ST6GAL1: variants seen among roughly 807,000 people sequenced by gnomAD.
ST6GAL1 encodes beta-galactoside alpha-2,6-sialyltransferase 1.
In ST6GAL1, 20 loss-of-function variants were observed where a neutral mutation model predicts 38.0. That is an observed-to-expected ratio of 0.53 (90% CI 0.37 to 0.77). ST6GAL1 has a LOEUF of 0.77. ST6GAL1 is among the 30% of genes least tolerant of loss of function. ST6GAL1 has a pLI of 0.00. For synonymous variants in ST6GAL1, 196 were observed against 188.2 expected (o/e 1.04, Z -0.34); for missense variants, 432 against 496.4 (o/e 0.87, Z 1.23).
At chr3:186,987,764 A>C (rs1716003273) in intron 2 of ST6GAL1, among the ~76,000 whole-genome samples, 1 of 152,380 alleles carries the variant, frequency 6.6e-6, no homozygotes, top group East Asian at 1.9e-4. Flanking sequence ...TGGAAAATGC[A>C]TAGCACATGG....
At chr3:187,023,684 G>C (rs1007400716) in intron 2 of ST6GAL1, among the ~76,000 whole-genome samples, 1 of 152,024 alleles carries the variant, frequency 6.6e-6, no homozygotes, top group African/African-American at 2.4e-5. Context: ...GAATTGAACA[G>C]TGAGAACACA....
At chr3:186,993,426 G>C (rs1716245000) in intron 2 of ST6GAL1, among the ~76,000 whole-genome samples, 2 of 152,192 alleles carry the variant, frequency 1.3e-5, no homozygotes, top group Admixed American at 1.3e-4. Context: ...GTGTTAGCGA[G>C]ATGGAAGACA....
At chr3:187,012,220 C>T (rs571449106) in intron 2 of ST6GAL1, among the ~76,000 whole-genome samples, 9 of 152,118 alleles carry the variant, frequency 5.9e-5, no homozygotes, top group Non-Finnish European at 8.8e-5. Context: ...AAGAGAGAAG[C>T]GGGAGTGCTT....
At chr3:186,986,663 G>C (rs1289002090) in intron 2 of ST6GAL1, 3 of 152,014 alleles carry the variant, frequency 2.0e-5, no homozygotes, top group African/African-American at 4.8e-5. Flanking sequence ...AAATCTTCAG[G>C]GTGACTAGAG....
At chr3:186,965,777 T>C (rs1452985936) in intron 2 of ST6GAL1, among the ~76,000 whole-genome samples, 1 of 152,190 alleles carries the variant, frequency 6.6e-6, no homozygotes, top group Non-Finnish European at 1.5e-5. Context: ...CCCTGCCTCT[T>C]CTCTTCCTCG....
intron 1 of ST6GAL1, among the ~76,000 whole-genome samples, chr3:186,934,643 G>A (rs1474313678): frequency 6.6e-5 from 10 of 152,116 alleles, no homozygotes; most frequent in African/African-American, 2.2e-4. Flanking sequence ...GGAGTAAGGC[G>A]TATGAATCTC....
At chr3:187,054,848 G>A (rs886114456) in intron 5 of ST6GAL1, among the ~76,000 whole-genome samples, 2 of 152,084 alleles carry the variant, frequency 1.3e-5, no homozygotes, top group African/African-American at 4.8e-5. Context: ...TTTTTGTATT[G>A]ATTGGAATAG....
At chr3:187,058,618 C>T (rs528899113) in intron 5 of ST6GAL1, among the ~76,000 whole-genome samples, 20 of 136,714 alleles carry the variant, frequency 1.5e-4, no homozygotes, top group Non-Finnish European at 1.4e-4. Flanking sequence ...TATATTTTGG[C>T]TTTTGGTATT....
At chr3:187,011,075 T>C (rs967006402) in intron 2 of ST6GAL1, among the ~76,000 whole-genome samples, 1 of 152,142 alleles carries the variant, frequency 6.6e-6, no homozygotes, top group African/African-American at 2.4e-5. Flanking sequence ...AGTACAACAG[T>C]GTGACCTCTG....
chr3:186,981,370 T>G (rs1715692924), intron 2 of ST6GAL1, among the ~76,000 whole-genome samples: 1 of 152,232 alleles, frequency 6.6e-6, no homozygotes. Flanking sequence ...TTGGTTTGCT[T>G]ATGTAGAAGC....
intron 4 of ST6GAL1, among the ~76,000 whole-genome samples, chr3:187,050,821 G>A (rs532405308): frequency 6.6e-6 from 1 of 152,304 alleles, no homozygotes; most frequent in South Asian, 2.1e-4. Flanking sequence ...GCACTTGTGG[G>A]ATACACTGAA....
chr3:186,959,449 A>G (rs778480734), intron 1 of ST6GAL1, among the ~76,000 whole-genome samples: 1 of 152,224 alleles, frequency 6.6e-6, no homozygotes, highest in Non-Finnish European at 1.5e-5. Flanking sequence ...TCCTCGCTTC[A>G]TAGGCTTGTG....
intron 5 of ST6GAL1, among the ~76,000 whole-genome samples, chr3:187,052,201 C>T (rs60928100): frequency 0.089 from 13,584 of 152,138 alleles, 2,047 homozygotes; most frequent in African/African-American, 0.31. Flanking sequence ...TTCCCTATAT[C>T]TGTCTCTTCA....
intron 2 of ST6GAL1, among the ~76,000 whole-genome samples, chr3:187,030,619 A>C (rs141249831): frequency 1.2e-4 from 19 of 152,178 alleles, no homozygotes; most frequent in African/African-American, 4.6e-4. Flanking sequence ...TTTTTAGGAA[A>C]GATGAGGTTT....
At chr3:186,956,051 C>T (rs6444186) in intron 1 of ST6GAL1, among the ~76,000 whole-genome samples, 29,495 of 151,810 alleles carry the variant, frequency 0.19, 6,253 homozygotes, top group African/African-American at 0.53. Context: ...AGGACTCAAA[C>T]CTGCCAAGTG....
At chr3:187,021,654 T>G (rs1234410814) in intron 2 of ST6GAL1, among the ~76,000 whole-genome samples, 3 of 150,262 alleles carry the variant, frequency 2.0e-5, no homozygotes, top group African/African-American at 4.9e-5. Flanking sequence ...GCAGGAAGAA[T>G]TGCTTGAACC....
chr3:187,074,102 G>T, intron 6 of ST6GAL1, 57 bp from the exon 7 acceptor site: 1 of 1,492,674 alleles, frequency 6.7e-7, no homozygotes, highest in Non-Finnish European at 9.0e-7. Context: ...TGACTCCTGG[G>T]GGGAGCAGCT....
chr3:187,024,230 AC>A (rs951616859), intron 2 of ST6GAL1, among the ~76,000 whole-genome samples: 7 of 151,654 alleles, frequency 4.6e-5, no homozygotes, highest in Non-Finnish European at 8.8e-5. Context: ...AGTAGCTGGG[AC>A]TACAGGTGCA....
intron 4 of ST6GAL1, among the ~76,000 whole-genome samples, chr3:187,045,675 G>A (rs928016169): frequency 6.6e-6 from 1 of 152,172 alleles, no homozygotes; most frequent in African/African-American, 2.4e-5. Flanking sequence ...CAGAGTGCTT[G>A]CTTCAAAGAC....
Sources: allele counts gnomAD v4.1 joint callset (sites outside exome capture counted in the v4.1 genomes callset), GRCh38; gene constraint gnomAD v4.1.1; transcripts MANE v1.5; gene names NCBI Gene and HGNC (gene_info 2026-07-23, HGNC 2026-07-21).